The following METTL15 variants were observed in gnomAD, a reference collection of about 807,000 sequenced individuals.
METTL15 encodes the protein 12S rRNA N(4)-cytidine methyltransferase METTL15.
METTL15 carries 34 observed loss-of-function variants against 38.3 expected under a neutral mutation model. The observed-to-expected ratio is 0.89, with a 90% CI of 0.68 to 1.18. The LOEUF (loss-of-function observed/expected upper bound fraction) is 1.18. METTL15 is among the 50% of genes most tolerant of loss of function. The pLI is 0.00. For missense variants in METTL15, 438 were observed against 498.4 expected, an observed-to-expected ratio of 0.88 and a Z score of 1.15; for synonymous variants, 162 against 170.9, an observed-to-expected ratio of 0.95 and a Z score of 0.41.
At chr11:28,446,388 C>T (rs1851075505) in intron 6 of METTL15, among the ~76,000 whole-genome samples, 1 of 152,164 alleles carries the variant, frequency 6.6e-6, no homozygotes, top group Admixed American at 6.5e-5. Flanking sequence ...GAAGTTTTCT[C>T]TGTTGATCAC....
At chr11:28,510,871 C>T (rs893866873) in intron 6 of METTL15, among the ~76,000 whole-genome samples, 9 of 152,172 alleles carry the variant, frequency 5.9e-5, no homozygotes, top group South Asian at 2.1e-4. Flanking sequence ...CTCAAGTACT[C>T]AGCCTGTGTT....
chr11:28,108,765 T>C (rs373983202), intron 1 of METTL15, among the ~76,000 whole-genome samples: 1 of 152,210 alleles, frequency 6.6e-6, no homozygotes, highest in Admixed American at 6.5e-5. Flanking sequence ...TTACATTCTC[T>C]GTCTAATGAT....
At chr11:28,391,142 G>A (rs1206496441) in intron 5 of METTL15, among the ~76,000 whole-genome samples, 2 of 151,864 alleles carry the variant, frequency 1.3e-5, no homozygotes, top group African/African-American at 4.8e-5. Context: ...GAGACAATGG[G>A]GTTTTCTAGA....
chr11:28,220,247 G>A (rs1476508824), intron 4 of METTL15, among the ~76,000 whole-genome samples: 4 of 152,160 alleles, frequency 2.6e-5, no homozygotes, highest in South Asian at 2.1e-4. Flanking sequence ...GGGTGCTCCT[G>A]TATTGGGTGC....
chr11:28,507,728 G>GT (rs1417682700), intron 6 of METTL15, among the ~76,000 whole-genome samples: 1 of 151,978 alleles, frequency 6.6e-6, no homozygotes, highest in African/African-American at 2.4e-5. Flanking sequence ...GAATTATTCT[G>GT]TTTTCTTCAT....
At chr11:28,411,134 A>G (rs1380854594) in intron 5 of METTL15, among the ~76,000 whole-genome samples, 1 of 152,044 alleles carries the variant, frequency 6.6e-6, no homozygotes, top group Non-Finnish European at 1.5e-5. Context: ...AATGTTCATG[A>G]ATAAGAAGAA....
chr11:28,373,541 CA>C (rs1298541289), intron 5 of METTL15, among the ~76,000 whole-genome samples: 1 of 152,104 alleles, frequency 6.6e-6, no homozygotes, highest in Non-Finnish European at 1.5e-5. Context: ...GAGGAGGTTG[CA>C]AAAATTTTCT....
At chr11:28,120,360 C>T (rs1233809150) in intron 3 of METTL15, among the ~76,000 whole-genome samples, 1 of 150,044 alleles carries the variant, frequency 6.7e-6, no homozygotes, top group Admixed American at 6.7e-5. Context: ...TTCTTTGAAG[C>T]AAATTTTATT....
intron 6 of METTL15, among the ~76,000 whole-genome samples, chr11:28,468,667 A>T (rs1851277510): frequency 6.6e-6 from 1 of 151,920 alleles, no homozygotes; most frequent in Non-Finnish European, 1.5e-5. Context: ...GTGAGAGAGG[A>T]TTATTATGAA....
At chr11:28,398,540 T>G (rs1850598063) in intron 5 of METTL15, among the ~76,000 whole-genome samples, 1 of 152,094 alleles carries the variant, frequency 6.6e-6, no homozygotes, top group African/African-American at 2.4e-5. Flanking sequence ...TTCTTGAAAA[T>G]TTGTTTAAGT....
chr11:28,461,739 T>G (rs1432379656), intron 6 of METTL15, among the ~76,000 whole-genome samples: 1 of 152,104 alleles, frequency 6.6e-6, no homozygotes, highest in East Asian at 1.9e-4. Flanking sequence ...GCAATTTTCC[T>G]TTTTTGTGTA....
At chr11:28,397,921 A>C (rs1850588636) in intron 5 of METTL15, among the ~76,000 whole-genome samples, 1 of 152,178 alleles carries the variant, frequency 6.6e-6, no homozygotes, top group African/African-American at 2.4e-5. Context: ...AAAAATGATG[A>C]GTTCATGTCC....
chr11:28,114,310 T>G (rs1007493491), intron 3 of METTL15, among the ~76,000 whole-genome samples: 1 of 152,224 alleles, frequency 6.6e-6, no homozygotes, highest in African/African-American at 2.4e-5. Context: ...GTATCTGTAC[T>G]TGGTTCTTTT....
Position 28,298,248 on chromosome 11 carries a change from C to T in METTL15, c.778+1317C>T, listed in dbSNP as rs958598575. Among the ~76,000 whole-genome samples the T allele has an allele frequency of 3.9e-5, 6 of 152,096 alleles. No individual in the cohort carries two copies. In the East Asian group the frequency reaches 1.2e-3, roughly 29 times the overall value. On this transcript the variant is annotated intron_variant, in intron 6 of 6. Transcript: ENST00000407364. ...CTCCGTACTCACTAACATGTCTCCA[C>T]CGTATCCTTTCTGTAATTATTTAGC...
At chr11:28,517,736 C>T (rs532633879) in intron 6 of METTL15, among the ~76,000 whole-genome samples, 1 of 152,220 alleles carries the variant, frequency 6.6e-6, no homozygotes, top group South Asian at 2.1e-4. Flanking sequence ...GAATGAAAGG[C>T]GAAACAAAAC....
chr11:28,240,021 T>C (rs993686316), intron 4 of METTL15, among the ~76,000 whole-genome samples: 2 of 152,116 alleles, frequency 1.3e-5, no homozygotes, highest in Non-Finnish European at 2.9e-5. Flanking sequence ...CATAATAGGG[T>C]ATCAATAAAT....
At chr11:28,377,959 A>G (rs1189833794) in intron 5 of METTL15, among the ~76,000 whole-genome samples, 1 of 152,128 alleles carries the variant, frequency 6.6e-6, no homozygotes, top group Non-Finnish European at 1.5e-5. Flanking sequence ...CCTCCCAGTT[A>G]GGCTGCTCGG....
intron 6 of METTL15, among the ~76,000 whole-genome samples, chr11:28,451,314 G>A (rs1208616436): frequency 6.6e-6 from 1 of 152,118 alleles, no homozygotes; most frequent in Non-Finnish European, 1.5e-5. Context: ...GGCAGGGCTC[G>A]GTGGTTCATG....
intron 4 of METTL15, among the ~76,000 whole-genome samples, chr11:28,244,359 T>C (rs994312566): frequency 2.0e-5 from 3 of 152,214 alleles, no homozygotes; most frequent in Non-Finnish European, 4.4e-5. Context: ...TAACATGATA[T>C]TATGTAGATA....
Sources: allele counts gnomAD v4.1 joint callset (sites outside exome capture counted in the v4.1 genomes callset), GRCh38; gene constraint gnomAD v4.1.1; transcripts MANE v1.5; gene names NCBI Gene and HGNC (gene_info 2026-07-23, HGNC 2026-07-21).